The following LRRK1 variants were observed in gnomAD, a reference collection of about 807,000 sequenced individuals.
The protein encoded by LRRK1 is leucine-rich repeat serine/threonine-protein kinase 1.
In LRRK1, 113 loss-of-function variants were observed where a neutral mutation model predicts 209.1. That is an observed-to-expected ratio of 0.54 (90% confidence interval 0.46 to 0.63). The LOEUF is 0.63. Among genes scored for constraint, LRRK1 ranks in the 30% least tolerant of loss-of-function variants. The pLI is 0.00. For missense variants in LRRK1, 2,284 were observed against 2,632.2 expected (o/e 0.87, Z 2.89); for synonymous variants, 1,144 against 1,099.7 (o/e 1.04, Z -0.80).
intron 7 of LRRK1, among the ~76,000 whole-genome samples, chr15:101,009,743 A>G (rs2033145389): frequency 1.3e-5 from 2 of 151,964 alleles, no homozygotes; most frequent in Non-Finnish European, 2.9e-5. Context: ...ACATGCCACC[A>G]CACCCAGCTA....
At chr15:101,050,861 GCTGT>G (rs2035388717) in intron 23 of LRRK1, 3 of 152,370 alleles carry the variant, frequency 2.0e-5, no homozygotes, top group Admixed American at 2.0e-4. Flanking sequence ...GAGGCACTTG[GCTGT>G]CTAAGGGGGC....
rs2036977339 is a variant in LRRK1, at chr15:101,076,114, A to T, written c.*7266A>T. 2 of 152,202 alleles carry T rather than the reference A, an allele frequency of 1.3e-5. No homozygotes were observed. The highest frequency in any genetic ancestry group is 4.8e-5 in the African/African-American group (2 of 41,438). 9.4% of individuals were successfully genotyped at this position (152,202 alleles called of 1,614,324 possible). A position where few individuals can be genotyped will look rare whatever the true frequency, so the allele number is the denominator to read the frequency against. ...CAGTCAGAATTCTTACACAAGAGCCAGGACCGCACCCTGTAGACCTTCTGT... is the reference window on the plus strand; with the variant it reads ...CAGTCAGAATTCTTACACAAGAGCCTGGACCGCACCCTGTAGACCTTCTGT... On this transcript the variant is annotated 3_prime_UTR_variant, in exon 34 of 34. Coordinates refer to ENST00000388948, the MANE Select transcript of LRRK1 (RefSeq NM_024652.6).
chr15:100,978,835 A>G (rs1462168076), intron 3 of LRRK1, among the ~76,000 whole-genome samples: 1 of 151,928 alleles, frequency 6.6e-6, no homozygotes, highest in African/African-American at 2.4e-5. Flanking sequence ...AAGAATTAAT[A>G]CCAATGCTAC....
At chr15:101,056,482 CAGAT>C (rs1435179401) in intron 27 of LRRK1, among the ~76,000 whole-genome samples, 6 of 151,974 alleles carry the variant, frequency 3.9e-5, no homozygotes, top group East Asian at 1.9e-4. Context: ...GGTGGGAAGT[CAGAT>C]GGATGGGTGG....
intron 2 of LRRK1, among the ~76,000 whole-genome samples, chr15:100,943,986 T>G (rs2042492385): frequency 6.6e-6 from 1 of 152,132 alleles, no homozygotes; most frequent in Admixed American, 6.5e-5. Context: ...TCGTGATCCC[T>G]TATCTTAAAT....
intron 16 of LRRK1, 116 bp downstream of exon 16, chr15:101,025,083 G>A: frequency 9.4e-7 from 1 of 1,066,120 alleles, no homozygotes; most frequent in Non-Finnish European, 1.3e-6. Flanking sequence ...TGCCACAGAG[G>A]GCCCCAGAAC....
intron 20 of LRRK1, among the ~76,000 whole-genome samples, chr15:101,042,264 ACT>A (rs3986656): frequency 0.38 from 57,471 of 151,658 alleles, 11,280 homozygotes; most frequent in Non-Finnish European, 0.44. Context: ...CTTTATTAAC[ACT>A]CTAATTTTTT....
intron 17 of LRRK1, 40 bp downstream of exon 17, chr15:101,026,177 G>A (rs181384553): frequency 1.3e-6 from 2 of 1,589,802 alleles, no homozygotes; most frequent in Non-Finnish European, 8.6e-7. Context: ...CTTCTTGTGG[G>A]TGCCAGTCGC....
In LRRK1 at chr15:101,058,621, G is replaced by GGGGC. The variant is rs11272139; in HGVS notation, c.4679+483_4679+484insCGGG. Among the ~76,000 whole-genome samples, 58 of 148,780 alleles carry GGGGC rather than the reference G, an allele frequency of 3.9e-4. 14 individuals carry two copies. The highest frequency in any genetic ancestry group is 5.8e-4 in the Non-Finnish European group (39 of 67,420). Reference sequence around the variant, plus strand: ...CCCAGATTGCAGAAGGGGCAACGGGGGGGGGCGTCTAAACAGAGTTGGGGT... The same window carrying GGGGC: ...CCCAGATTGCAGAAGGGGCAACGGGGGGGCGGGGGCGTCTAAACAGAGTTGGGGT... On this transcript the variant is annotated intron_variant, in intron 29 of 33. Transcript: ENST00000388948.
At chr15:100,973,747 CAA>C in intron 2 of LRRK1, 55 bp from the exon 3 acceptor site, 3 of 1,249,592 alleles carry the variant, frequency 2.4e-6, no homozygotes, top group Non-Finnish European at 2.0e-6. Context: ...CGGTGATTCT[CAA>C]GAGCACGCGG....
Position 100,973,990 on chromosome 15 carries a change from G to A in LRRK1, c.261+23G>A, listed in dbSNP as rs551263339. 1.2e-5 allele frequency: 15 copies of A among 1,245,280 alleles called. No homozygotes were observed. The East Asian group carries it at 1.3e-4, about 10-fold the overall frequency. The allele number at this position is 1,245,280 out of a possible 1,614,324, so 77.1% of individuals were successfully genotyped here. A position where few individuals can be genotyped will look rare whatever the true frequency, so the allele number is the denominator to read the frequency against. On this transcript the variant is annotated intron_variant, in intron 3 of 33. Coordinates refer to ENST00000388948, the MANE Select transcript of LRRK1 (RefSeq NM_024652.6). ...AAGGTAGGGGAGCGCCTGCCCCTGC[G>A]GCCACCCATGCAGCCCCGGGCTGGA... is the stretch of plus-strand genomic sequence containing the variant.
intron 33 of LRRK1, chr15:101,067,519 C>T (rs2036605441): frequency 7.3e-6 from 2 of 274,352 alleles, no homozygotes; most frequent in South Asian, 6.8e-5. Context: ...CATGAGTTAT[C>T]CCCCATCCCT....
chr15:100,987,894 G>GA (rs2031955493), intron 4 of LRRK1, among the ~76,000 whole-genome samples: 1 of 152,184 alleles, frequency 6.6e-6, no homozygotes, highest in Admixed American at 6.5e-5. Flanking sequence ...AGAGCCCAGA[G>GA]AAAATACCAC....
intron 6 of LRRK1, among the ~76,000 whole-genome samples, chr15:100,997,096 T>TTATTAATATAATC (rs2032456105): frequency 7.4e-6 from 1 of 135,932 alleles, no homozygotes; most frequent in African/African-American, 2.8e-5. Context: ...CTATAGATCT[T>TTATTAATATAATC]ATATCTATAG....
chr15:100,954,090 AT>A (rs1183448084), intron 2 of LRRK1, among the ~76,000 whole-genome samples: 1 of 151,920 alleles, frequency 6.6e-6, no homozygotes, highest in Non-Finnish European at 1.5e-5. Context: ...TAATTTTTGT[AT>A]TTTTAGTAGA....
Position 101,010,433 on chromosome 15 carries a change from C to A in LRRK1, c.990-17C>A. The stretch of plus-strand genomic sequence containing the variant: ...CCTCTTTATTCTGATGCCTGCCTTC[C>A]TTCTTCTCCATCGCAGGCTACTTGA... On this transcript the variant is annotated splice_polypyrimidine_tract_variant and intron_variant, in intron 7 of 33. Transcript: ENST00000388948. The A allele has an allele frequency of 6.2e-7, 1 of 1,600,276 alleles. No homozygotes were observed. The highest frequency in any genetic ancestry group is 1.3e-5 in the African/African-American group (1 of 74,196).
At chr15:101,015,194 G>A (rs2034809) in intron 11 of LRRK1, 132 bp from the exon 12 acceptor site, 343,195 of 679,346 alleles carry the variant, frequency 0.51, 90,068 homozygotes, top group East Asian at 0.78. Context: ...TGCAGCGTGC[G>A]CCCCTGCCAG....
In LRRK1 at chr15:101,051,798, C is replaced by T. The variant is rs369305577; in HGVS notation, c.3527C>T (p.Thr1176Met). ...PVCETAWAQH[T>M]DPSEKSEDVQ... ...TGCGAGACAGCCTGGGCCCAGCACACGGACCCCAGTGAGAAATCAGAGGAT... is the reference window on the plus strand; with the variant it reads ...TGCGAGACAGCCTGGGCCCAGCACATGGACCCCAGTGAGAAATCAGAGGAT... Residue 1176 changes from threonine to methionine, a missense_variant, in exon 24 of 34, where the codon ACG becomes ATG. By Grantham distance (81) the Thr-to-Met change is moderately conservative. Coordinates refer to ENST00000388948, the MANE Select transcript of LRRK1 (RefSeq NM_024652.6). 5 of 1,613,958 alleles carry T rather than the reference C, an allele frequency of 3.1e-6. No individual in the cohort carries two copies. Among genetic ancestry groups the T allele is most frequent in the African/African-American group, 2.7e-5 (2 of 74,934 alleles).
chr15:100,945,981 G>A (rs976922201), intron 2 of LRRK1, among the ~76,000 whole-genome samples: 3 of 152,102 alleles, frequency 2.0e-5, no homozygotes, highest in Admixed American at 6.5e-5. Context: ...GAGGAAATAC[G>A]CTGCTTTTTT....
Sources: gnomAD v4.1 joint callset for allele counts (sites outside exome capture counted in the v4.1 genomes callset) on GRCh38, gnomAD v4.1.1 for gene constraint, MANE v1.5 for transcripts, NCBI Gene and HGNC (gene_info 2026-07-23, HGNC 2026-07-21) for gene names.